Variants in CNOT4 observed in about 807,000 individuals in gnomAD.
CNOT4 encodes CCR4-associated factor 4.
A neutral mutation model predicts 73.8 loss-of-function variants in CNOT4; 8 were observed. That is an observed-to-expected ratio of 0.11 (90% CI 0.06 to 0.20). The LOEUF (loss-of-function observed/expected upper bound fraction) is 0.20. Ranked by LOEUF, CNOT4 falls within the 10% of genes least tolerant of loss-of-function variation. The pLI is 1.00. For missense variants in CNOT4, 564 were observed against 883.4 expected (o/e 0.64, Z 4.58); for synonymous variants, 293 against 321.1 (o/e 0.91, Z 0.94).
Position 135,400,339 on chromosome 7 carries a change from G to C in CNOT4, c.822-2113C>G, listed in dbSNP as rs117842368. 7.2e-3 allele frequency among the ~76,000 whole-genome samples: 1,094 copies of C among 152,134 alleles called. 6 individuals are homozygous for C. The highest frequency in any genetic ancestry group is 0.027 in the Middle Eastern group (8 of 294). ...TTTTAGAAAGATTAATTTGGTGGCG[G>C]AACATAATAGCGATAATCCGAGATA... On this transcript the variant is annotated intron_variant, in intron 7 of 11. Coordinates refer to ENST00000541284, the MANE Select transcript of CNOT4 (RefSeq NM_001190850.2).
At chr7:135,387,197 G>C in intron 10 of CNOT4, 1 of 983,702 alleles carries the variant, frequency 1.0e-6, no homozygotes, top group South Asian at 4.7e-5. Flanking sequence ...TTCCAAATTG[G>C]CAATGTTCTT....
intron 1 of CNOT4, among the ~76,000 whole-genome samples, chr7:135,466,924 A>G (rs1801259059): frequency 6.6e-6 from 1 of 152,208 alleles, no homozygotes; most frequent in Non-Finnish European, 1.5e-5. Flanking sequence ...AGTACACTCC[A>G]TGACATTCAC....
At chr7:135,461,980 A>G (rs1275843077) in intron 1 of CNOT4, among the ~76,000 whole-genome samples, 1 of 152,170 alleles carries the variant, frequency 6.6e-6, no homozygotes, top group Non-Finnish European at 1.5e-5. Flanking sequence ...AAAAAAGGAT[A>G]AGAACTGCGA....
chr7:135,375,364 A>G (rs1390031793), intron 10 of CNOT4, among the ~76,000 whole-genome samples: 1 of 152,202 alleles, frequency 6.6e-6, no homozygotes, highest in African/African-American at 2.4e-5. Context: ...TGCACCTAAG[A>G]AGTTCAATTG....
intron 1 of CNOT4, among the ~76,000 whole-genome samples, chr7:135,490,897 G>C (rs1803067614): frequency 6.6e-6 from 1 of 152,256 alleles, no homozygotes; most frequent in South Asian, 2.1e-4. Flanking sequence ...TACCCAGCAA[G>C]AGATGATGGT....
At position 135,364,161 on chromosome 7, in the gene CNOT4, A is replaced by G; in HGVS notation, c.1628-95T>C. On this transcript the variant is annotated intron_variant, in intron 10 of 11. Coordinates refer to ENST00000541284, the MANE Select transcript of CNOT4 (RefSeq NM_001190850.2). This position sits in a 1 kb window ranked among gnomAD's most constrained non-coding sequence, Gnocchi z 4.3. ...TTCTTTAGTGGTTAAGCGGGAGAAG[A>G]ATTATTCTTTCTTTATTGAGCATTT... The G allele has an allele frequency of 1.1e-6, 1 of 937,162 alleles. No individual in the cohort carries two copies. Among genetic ancestry groups the G allele is most frequent in the East Asian group, 2.4e-5 (1 of 40,944 alleles). The allele number at this position is 937,162 out of a possible 1,614,324, so 58.1% of individuals were successfully genotyped here. A position where few individuals can be genotyped will look rare whatever the true frequency, so the allele number is the denominator to read the frequency against.
At chr7:135,393,493 G>A (rs1796506817) in intron 10 of CNOT4, among the ~76,000 whole-genome samples, 1 of 152,104 alleles carries the variant, frequency 6.6e-6, no homozygotes, top group East Asian at 1.9e-4. Flanking sequence ...AGTAGGTAGA[G>A]AGTGGCTTTA....
chr7:135,375,658 C>T (rs1795475607), intron 10 of CNOT4, among the ~76,000 whole-genome samples: 1 of 152,174 alleles, frequency 6.6e-6, no homozygotes, highest in Admixed American at 6.5e-5. Context: ...GGCGCGGTGG[C>T]TCACGCCTGT....
At chr7:135,402,384 C>T (rs1247554552) in intron 7 of CNOT4, among the ~76,000 whole-genome samples, 1 of 152,230 alleles carries the variant, frequency 6.6e-6, no homozygotes, top group East Asian at 1.9e-4. Context: ...TGCTGGGATT[C>T]AGGCGTGAGC....
intron 1 of CNOT4, among the ~76,000 whole-genome samples, chr7:135,471,772 G>A (rs1215075343): frequency 6.6e-6 from 1 of 152,142 alleles, no homozygotes; most frequent in Non-Finnish European, 1.5e-5. Context: ...CGTTATACAC[G>A]TAAATCTTGG....
At chr7:135,394,788 A>G (rs1183904828) in intron 9 of CNOT4, among the ~76,000 whole-genome samples, 3 of 152,226 alleles carry the variant, frequency 2.0e-5, no homozygotes, top group African/African-American at 7.2e-5. Context: ...TGTATTTATC[A>G]AAGTACAAAT....
intron 7 of CNOT4, among the ~76,000 whole-genome samples, chr7:135,405,420 C>A (rs1400582902): frequency 6.6e-6 from 1 of 152,124 alleles, no homozygotes; most frequent in African/African-American, 2.4e-5. Flanking sequence ...AGCAGCCTAC[C>A]TAGTTACTAT....
chr7:135,384,773 A>G (rs759635465), intron 10 of CNOT4: 7 of 760,484 alleles, frequency 9.2e-6, no homozygotes, highest in African/African-American at 1.7e-5. Context: ...TATTAAAGCA[A>G]TGCCTTCTAA....
chr7:135,443,042 G>C (rs545870663), intron 1 of CNOT4, among the ~76,000 whole-genome samples: 1 of 151,982 alleles, frequency 6.6e-6, no homozygotes, highest in East Asian at 1.9e-4. Context: ...CTGGGTGATA[G>C]AGTGAAACCC....
chr7:135,504,790 C>T (rs558560656), intron 1 of CNOT4, among the ~76,000 whole-genome samples: 2 of 141,350 alleles, frequency 1.4e-5, no homozygotes, highest in East Asian at 2.0e-4. Context: ...CCGGCCCATC[C>T]GGCTAATTTT....
At chr7:135,446,839 A>T (rs1158473603) in intron 1 of CNOT4, among the ~76,000 whole-genome samples, 1 of 152,026 alleles carries the variant, frequency 6.6e-6, no homozygotes, top group Non-Finnish European at 1.5e-5. Flanking sequence ...GAAAAAGATT[A>T]AAAAAAGAAA....
chr7:135,495,691 AAAG>A (rs1563083493), intron 1 of CNOT4, among the ~76,000 whole-genome samples: 229 of 13,092 alleles, frequency 0.017, 6 homozygotes, highest in Middle Eastern at 0.045. Context: ...AAAAAAAAAA[AAAG>A]AAAGAAAGAA....
chr7:135,375,911 C>T (rs570427958), intron 10 of CNOT4, among the ~76,000 whole-genome samples: 3 of 151,228 alleles, frequency 2.0e-5, no homozygotes, highest in East Asian at 1.9e-4. Context: ...GGTGACAGTG[C>T]GAGACTCCGT....
intron 1 of CNOT4, among the ~76,000 whole-genome samples, chr7:135,471,002 G>A: frequency 6.6e-6 from 1 of 152,100 alleles, no homozygotes; most frequent in East Asian, 1.9e-4. Flanking sequence ...AGATTTTTAA[G>A]CCATGAACAA....
Sources: gnomAD v4.1 joint callset for allele counts (sites outside exome capture counted in the v4.1 genomes callset) on GRCh38, gnomAD v4.1.1 for gene constraint, Gnocchi (gnomAD v3.1) non-coding constraint, MANE v1.5 for transcripts, NCBI Gene and HGNC (gene_info 2026-07-23, HGNC 2026-07-21) for gene names.